Variants in FRMD3 observed in about 807,000 individuals in gnomAD.
FRMD3 encodes FERM domain containing 3, also known as FERM domain-containing protein 3.
Under a neutral mutation model 70.2 loss-of-function variants are expected in FRMD3, and 33 were observed. That is an observed-to-expected ratio of 0.47 (90% CI 0.36 to 0.63). The LOEUF (loss-of-function observed/expected upper bound fraction) is 0.63, where lower values mean the gene tolerates loss of function less well. Ranked by LOEUF, FRMD3 falls within the 20% of genes least tolerant of loss-of-function variation. The pLI, the probability that FRMD3 is intolerant of heterozygous loss-of-function variation, is 0.00. For missense variants in FRMD3, 632 were observed against 711.4 expected (o/e 0.89, Z 1.27); for synonymous variants, 279 against 255.9 (o/e 1.09, Z -0.86).
At chr9:83,425,819 A>G (rs976601050) in intron 1 of FRMD3, among the ~76,000 whole-genome samples, 7 of 145,204 alleles carry the variant, frequency 4.8e-5, no homozygotes, top group African/African-American at 1.8e-4. Flanking sequence ...AGGCAGGAGA[A>G]TTGCCTGAAC....
intron 1 of FRMD3, among the ~76,000 whole-genome samples, chr9:83,519,285 C>A (rs887777112): frequency 1.3e-5 from 2 of 151,902 alleles, no homozygotes; most frequent in Non-Finnish European, 1.5e-5. Context: ...GGAACTTAAA[C>A]AAATAACAAG....
Position 83,343,153 on chromosome 9 carries a change from T to G in FRMD3, c.472+37A>C, listed in dbSNP as rs1251148236. The stretch of plus-strand genomic sequence containing the variant: ...GCTTGAAACAGCCAGAGCTCCACAG[T>G]GCAAAGGTGGCGTGGGTGAGCTGTG... On this transcript the variant is annotated intron_variant, in intron 5 of 13. Transcript: ENST00000304195. 2.8e-6 allele frequency: 4 copies of G among 1,410,098 alleles called. No homozygotes were observed. The South Asian group carries it at 4.6e-5, about 16-fold the overall frequency. The allele number at this position is 1,410,098 out of a possible 1,614,324, so 87.3% of individuals were successfully genotyped here. A position where few individuals can be genotyped will look rare whatever the true frequency, so the allele number is the denominator to read the frequency against.
chr9:83,352,296 A>G (rs1587759075), intron 3 of FRMD3, among the ~76,000 whole-genome samples: 1 of 152,214 alleles, frequency 6.6e-6, no homozygotes, highest in East Asian at 1.9e-4. Flanking sequence ...AAGTCCCCTG[A>G]CTATCAGCAA....
At chr9:83,394,512 G>A (rs1391132907) in intron 1 of FRMD3, among the ~76,000 whole-genome samples, 1 of 152,148 alleles carries the variant, frequency 6.6e-6, no homozygotes, top group African/African-American at 2.4e-5. Context: ...TAAAGACAAT[G>A]TTTGTAAATA....
At position 83,247,886 on chromosome 9, in the gene FRMD3, A is replaced by C; in HGVS notation, c.*32T>G. ...TGAAAAAAAGAAATCACTAGCATTGAATATAGCCCTTAGTCACGTGAGAGA... is the reference window on the plus strand; with the variant it reads ...TGAAAAAAAGAAATCACTAGCATTGCATATAGCCCTTAGTCACGTGAGAGA... On this transcript the variant is annotated 3_prime_UTR_variant, in exon 14 of 14. Transcript: ENST00000304195. 6.2e-7 allele frequency: 1 copy of C among 1,604,480 alleles called. No individual in the cohort carries two copies. Among genetic ancestry groups the C allele is most frequent in the East Asian group, 2.2e-5 (1 of 44,688 alleles).
intron 3 of FRMD3, among the ~76,000 whole-genome samples, chr9:83,351,323 T>TACACACACACACAC (rs56407249): frequency 0.028 from 4,045 of 143,810 alleles, 77 homozygotes; most frequent in African/African-American, 0.04. Flanking sequence ...AAACTGATCA[T>TACACACACACACAC]ACACACACAC....
At chr9:83,508,728 A>C (rs939407448) in intron 1 of FRMD3, among the ~76,000 whole-genome samples, 3 of 152,246 alleles carry the variant, frequency 2.0e-5, no homozygotes, top group Non-Finnish European at 4.4e-5. Flanking sequence ...TAATGCAGGG[A>C]GTGACAAACT....
intron 2 of FRMD3, 131 bp from the exon 3 acceptor site, chr9:83,373,086 C>G: frequency 1.4e-6 from 1 of 716,872 alleles, no homozygotes; most frequent in South Asian, 1.6e-5. Context: ...ATTCCACACT[C>G]TGAAGACCAA....
intron 3 of FRMD3, among the ~76,000 whole-genome samples, chr9:83,364,496 C>G (rs1454899027): frequency 2.6e-5 from 4 of 151,034 alleles, no homozygotes; most frequent in Admixed American, 2.6e-4. Context: ...GCGGAGGTTG[C>G]AGTGAGCCAA....
chr9:83,449,673 T>C (rs189370891), intron 1 of FRMD3, among the ~76,000 whole-genome samples: 4 of 152,316 alleles, frequency 2.6e-5, no homozygotes, highest in Admixed American at 2.6e-4. Flanking sequence ...AAGCTCAGCT[T>C]TGCCAGAGGT....
the FRMD3 span, among the ~76,000 whole-genome samples, chr9:83,580,900 A>C: frequency 6.6e-6 from 1 of 152,158 alleles, no homozygotes; most frequent in Admixed American, 6.6e-5. Context: ...GTCAATTAAA[A>C]ATAATACTAA....
chr9:83,533,731 C>T (rs757161095), intron 1 of FRMD3, among the ~76,000 whole-genome samples: 2 of 152,150 alleles, frequency 1.3e-5, no homozygotes, highest in African/African-American at 4.8e-5. Context: ...AATGTTCCTA[C>T]TCTTGTGAAT....
Position 83,310,381 on chromosome 9 carries a change from A to G in FRMD3, c.837+104T>C, listed in dbSNP as rs566298452. On this transcript the variant is annotated intron_variant, in intron 9 of 13. Coordinates refer to ENST00000304195, the MANE Select transcript of FRMD3 (RefSeq NM_174938.6). ...AGCTTTCATTATCACCATACACTTC[A>G]AAGTCATGGTCTTTGGCGACTACAA... 5.0e-5 allele frequency: 46 copies of G among 913,116 alleles called. No individual in the cohort carries two copies. In the Middle Eastern group the frequency reaches 8.6e-4, roughly 17 times the overall value. The allele number at this position is 913,116 out of a possible 1,614,324, so 56.6% of individuals were successfully genotyped here.
chr9:83,303,114 C>T (rs1834988623), intron 10 of FRMD3, among the ~76,000 whole-genome samples: 1 of 152,160 alleles, frequency 6.6e-6, no homozygotes, highest in Non-Finnish European at 1.5e-5. Context: ...CTCCAAGAGG[C>T]CACCTCTAGA....
At chr9:83,510,034 TA>T (rs1386202527) in intron 1 of FRMD3, among the ~76,000 whole-genome samples, 9 of 152,162 alleles carry the variant, frequency 5.9e-5, no homozygotes, top group African/African-American at 2.2e-4. Flanking sequence ...GTGTAATAAT[TA>T]AAAAAGGCCA....
intron 1 of FRMD3, among the ~76,000 whole-genome samples, chr9:83,487,412 T>C (rs1828711909): frequency 6.6e-6 from 1 of 152,196 alleles, no homozygotes; most frequent in Non-Finnish European, 1.5e-5. Context: ...TACATTTCTC[T>C]CTACTTGTGG....
downstream of FRMD3, chr9:83,243,322 G>A (rs2118423050): frequency 8.8e-7 from 1 of 1,140,736 alleles, no homozygotes; most frequent in East Asian, 2.6e-5. Context: ...ACCCTGTAGA[G>A]AGTGGCCCAG....
chr9:83,420,984 A>T (rs1048188822), intron 1 of FRMD3, among the ~76,000 whole-genome samples: 4 of 92,564 alleles, frequency 4.3e-5, no homozygotes, highest in African/African-American at 1.7e-4. Flanking sequence ...TCTGTCGCCC[A>T]GGCTGGAGTG....
chr9:83,299,013 A>G, intron 11 of FRMD3, 99 bp downstream of exon 11: 1 of 1,000,340 alleles, frequency 1.0e-6, no homozygotes, highest in Non-Finnish European at 1.6e-6. Flanking sequence ...ACTCAAACAG[A>G]GGCACAAGCC....
Sources: allele counts gnomAD v4.1 joint callset (sites outside exome capture counted in the v4.1 genomes callset), GRCh38; gene constraint gnomAD v4.1.1; transcripts MANE v1.5; gene names NCBI Gene and HGNC (gene_info 2026-07-23, HGNC 2026-07-21).